Variants in PARD3B observed in about 807,000 individuals in gnomAD.
PARD3B encodes partitioning defective 3 homolog B.
In PARD3B, 103 loss-of-function variants were observed where a neutral mutation model predicts 130.2. That is an observed-to-expected ratio of 0.79 (90% confidence interval 0.67 to 0.93). The LOEUF is 0.93. PARD3B is among the 40% of genes least tolerant of loss of function. The pLI, the probability that PARD3B is intolerant of heterozygous loss-of-function variation, is 0.00. For missense variants in PARD3B, 1,609 were observed against 1,499.2 expected, an observed-to-expected ratio of 1.07 and a Z score of -1.21; for synonymous variants, 583 against 553.2, an observed-to-expected ratio of 1.05 and a Z score of -0.76.
chr2:205,186,616 G>A (rs1024430414), intron 14 of PARD3B, among the ~76,000 whole-genome samples: 1 of 152,080 alleles, frequency 6.6e-6, no homozygotes, highest in Non-Finnish European at 1.5e-5. Context: ...TTCCTATTAT[G>A]TTTTTTAATA....
At chr2:205,236,515 A>T (rs1461081208) in intron 15 of PARD3B, among the ~76,000 whole-genome samples, 1 of 152,184 alleles carries the variant, frequency 6.6e-6, no homozygotes, top group Non-Finnish European at 1.5e-5. Flanking sequence ...CCCCAGGAGA[A>T]ATCAGCACTG....
At chr2:205,118,629 T>C (rs369483927) in intron 6 of PARD3B, among the ~76,000 whole-genome samples, 39 of 152,268 alleles carry the variant, frequency 2.6e-4, no homozygotes, top group African/African-American at 8.7e-4. Flanking sequence ...CCACAAGTCT[T>C]TGGTGTCAAC....
intron 2 of PARD3B, among the ~76,000 whole-genome samples, chr2:204,736,164 ATT>A (rs58674693): frequency 0.028 from 4,175 of 147,414 alleles, 184 homozygotes; most frequent in African/African-American, 0.097. Flanking sequence ...TATGAGTACT[ATT>A]TTTTTTTTTT....
chr2:204,843,059 C>G (rs112060902), intron 2 of PARD3B, among the ~76,000 whole-genome samples: 1 of 152,074 alleles, frequency 6.6e-6, no homozygotes, highest in African/African-American at 2.4e-5. Flanking sequence ...GTTCCTGATT[C>G]AGTAGGTCTG....
chr2:205,103,136 ATATTT>A (rs1411643649), intron 4 of PARD3B, among the ~76,000 whole-genome samples: 2 of 142,582 alleles, frequency 1.4e-5, no homozygotes, highest in African/African-American at 5.2e-5. Flanking sequence ...TAAAATAAAC[ATATTT>A]TATATTTATG....
Position 204,733,162 on chromosome 2 carries a change from A to G in PARD3B, c.222+46880A>G, listed in dbSNP as rs117472683. Reference sequence around the variant, plus strand: ...TAAAATTTTGGAATTTTGAGCATCAAAAAAGAATAACGACTGTAATAGATT... The same window carrying G: ...TAAAATTTTGGAATTTTGAGCATCAGAAAAGAATAACGACTGTAATAGATT... On this transcript the variant is annotated intron_variant, in intron 2 of 22. Coordinates refer to ENST00000406610, the MANE Select transcript of PARD3B (RefSeq NM_001302769.2). Among the ~76,000 whole-genome samples, 67 of 152,334 alleles carry G rather than the reference A, an allele frequency of 4.4e-4. No individual in the cohort carries two copies. In the East Asian group the frequency reaches 0.011, roughly 25 times the overall value.
At chr2:205,217,894 A>ATTTTTTTTTT (rs755570882) in intron 15 of PARD3B, among the ~76,000 whole-genome samples, 1 of 31,074 alleles carries the variant, frequency 3.2e-5, no homozygotes, top group Non-Finnish European at 5.8e-5. Context: ...ATATATATAT[A>ATTTTTTTTTT]TTTTTTTTTT....
At position 205,525,833 on chromosome 2, in the gene PARD3B, T is replaced by C. The variant is rs558934564; in HGVS notation, c.3180+25802T>C. On this transcript the variant is annotated intron_variant, in intron 21 of 22. Transcript: ENST00000406610. This position sits in a 1 kb window ranked among gnomAD's most constrained non-coding sequence, Gnocchi z 4.2. ...CCTTCGCTACAGCAGATATGATTAC[T>C]TGGATTCTGCCTATGGGTCCACGTT... Among the ~76,000 whole-genome samples the C allele has an allele frequency of 7.2e-4, 109 of 152,334 alleles. No individual in the cohort carries two copies. Among genetic ancestry groups the C allele is most frequent in the Non-Finnish European group, 1.2e-3 (82 of 68,022 alleles).
chr2:204,812,764 T>C (rs547291968), intron 2 of PARD3B, among the ~76,000 whole-genome samples: 3 of 152,208 alleles, frequency 2.0e-5, no homozygotes, highest in Admixed American at 6.5e-5. Flanking sequence ...ACTAGGAAGC[T>C]GCTGATATCA....
chr2:205,201,891 A>G (rs1346961232), intron 15 of PARD3B, among the ~76,000 whole-genome samples: 1 of 152,224 alleles, frequency 6.6e-6, no homozygotes, highest in African/African-American at 2.4e-5. Context: ...TGTTTTAACT[A>G]CATAACTGTA....
chr2:204,908,556 G>A (rs2047119233), intron 2 of PARD3B, among the ~76,000 whole-genome samples: 1 of 152,148 alleles, frequency 6.6e-6, no homozygotes, highest in African/African-American at 2.4e-5. Context: ...GAAAACAAGT[G>A]ACTTAGCATT....
intron 22 of PARD3B, among the ~76,000 whole-genome samples, chr2:205,583,159 T>C (rs1034541124): frequency 2.6e-5 from 4 of 152,330 alleles, no homozygotes; most frequent in South Asian, 2.1e-4. Flanking sequence ...AATTAGAGCA[T>C]AGCAAGTGGT....
chr2:204,568,965 A>AAAAAAAAAG (rs2031840377), intron 1 of PARD3B, among the ~76,000 whole-genome samples: 1 of 152,116 alleles, frequency 6.6e-6, no homozygotes, highest in African/African-American at 2.4e-5. Context: ...GAAAAAAAAA[A>AAAAAAAAAG]AAAAATTGCA....
At chr2:205,556,025 T>A (rs34900839) in intron 22 of PARD3B, among the ~76,000 whole-genome samples, 7 of 152,152 alleles carry the variant, frequency 4.6e-5, no homozygotes, top group Non-Finnish European at 7.3e-5. Flanking sequence ...GGTTTTCTTG[T>A]CTTTCCCCCT....
chr2:205,127,732 G>T (rs1041761248), intron 10 of PARD3B, among the ~76,000 whole-genome samples: 1 of 151,898 alleles, frequency 6.6e-6, no homozygotes, highest in African/African-American at 2.4e-5. Flanking sequence ...GGGAAAATAA[G>T]AAAAAAAGAG....
chr2:204,566,287 G>A (rs1298405911), intron 1 of PARD3B, among the ~76,000 whole-genome samples: 1 of 152,238 alleles, frequency 6.6e-6, no homozygotes, highest in Non-Finnish European at 1.5e-5. Context: ...CAGTTGGGAT[G>A]TGAACTCAGT....
intron 16 of PARD3B, among the ~76,000 whole-genome samples, chr2:205,259,888 G>A (rs1258807867): frequency 1.3e-5 from 2 of 151,994 alleles, no homozygotes; most frequent in East Asian, 1.9e-4. Context: ...TTTGGGGATG[G>A]GACCCAAGTC....
At chr2:205,148,084 A>T (rs1375447656) in intron 10 of PARD3B, among the ~76,000 whole-genome samples, 1 of 151,948 alleles carries the variant, frequency 6.6e-6, no homozygotes, top group East Asian at 1.9e-4. Flanking sequence ...ATTCTAATGT[A>T]TTTTGCCCTC....
chr2:205,167,862 G>A (rs2034907502), intron 11 of PARD3B, among the ~76,000 whole-genome samples: 1 of 152,172 alleles, frequency 6.6e-6, no homozygotes, highest in Admixed American at 6.5e-5. Context: ...ATATCACAGG[G>A]TTGCTGTAAG....
Sources: gnomAD v4.1 joint callset for allele counts (sites outside exome capture counted in the v4.1 genomes callset) on GRCh38, gnomAD v4.1.1 for gene constraint, Gnocchi (gnomAD v3.1) non-coding constraint, MANE v1.5 for transcripts, NCBI Gene and HGNC (gene_info 2026-07-23, HGNC 2026-07-21) for gene names.